Variants in MARK1 observed in about 807,000 individuals in gnomAD.
MARK1 encodes the protein serine/threonine-protein kinase MARK1.
MARK1 carries 40 observed loss-of-function variants against 96.3 expected under a neutral mutation model. The ratio of observed to expected loss-of-function variants is 0.42; its 90% CI spans 0.32 to 0.54. MARK1 has a LOEUF of 0.54. Ranked by LOEUF, MARK1 falls within the 20% of genes least tolerant of loss-of-function variation. The pLI is 0.16. For missense variants in MARK1, 719 were observed against 984.6 expected (o/e 0.73, Z 3.61); for synonymous variants, 317 against 341.2 (o/e 0.93, Z 0.78).
intron 3 of MARK1, among the ~76,000 whole-genome samples, chr1:220,589,267 C>T (rs1281310367): frequency 2.0e-5 from 3 of 152,078 alleles, no homozygotes; most frequent in Admixed American, 6.6e-5. Flanking sequence ...ACTAGAATGA[C>T]GATTGTCTAA....
intron 9 of MARK1, among the ~76,000 whole-genome samples, chr1:220,629,478 G>A (rs1667548644): frequency 6.6e-6 from 1 of 151,228 alleles, no homozygotes; most frequent in South Asian, 2.1e-4. Flanking sequence ...CAGATCTCCA[G>A]AACTTTTTCA....
At chr1:220,545,272 G>A (rs2102724222) in intron 1 of MARK1, among the ~76,000 whole-genome samples, 1 of 152,284 alleles carries the variant, frequency 6.6e-6, no homozygotes, top group East Asian at 1.9e-4. Flanking sequence ...CTTGAGATTA[G>A]GCAGGGCCTT....
chr1:220,628,335 A>C (rs1009838389), intron 9 of MARK1, among the ~76,000 whole-genome samples: 2 of 151,844 alleles, frequency 1.3e-5, no homozygotes, highest in African/African-American at 4.8e-5. Context: ...CTTTGTAGTG[A>C]GCCCTTTTGA....
chr1:220,549,148 C>T (rs1334705418), intron 1 of MARK1, among the ~76,000 whole-genome samples: 5 of 152,142 alleles, frequency 3.3e-5, no homozygotes, highest in Non-Finnish European at 7.3e-5. Context: ...AGTGTAATTT[C>T]TTGGTTAAGA....
At chr1:220,578,996 C>T (rs767808169) in intron 1 of MARK1, among the ~76,000 whole-genome samples, 10 of 152,066 alleles carry the variant, frequency 6.6e-5, no homozygotes, top group Non-Finnish European at 1.2e-4. Context: ...GCACGTGCCA[C>T]CACAACCGGC....
chr1:220,653,527 TAAGAG>T (rs906224993), intron 16 of MARK1, among the ~76,000 whole-genome samples, 175 bp downstream of exon 16: 22 of 152,106 alleles, frequency 1.4e-4, no homozygotes, highest in African/African-American at 4.8e-4. Flanking sequence ...TATTTTTCCT[TAAGAG>T]AGAGAAAGGA....
chr1:220,639,099 C>T (rs1420575283), intron 13 of MARK1, among the ~76,000 whole-genome samples: 19 of 151,798 alleles, frequency 1.3e-4, no homozygotes, highest in Admixed American at 1.2e-3. Flanking sequence ...TTAAAATTAG[C>T]CTGGTGTAGT....
chr1:220,635,400 A>G lies in MARK1; in HGVS notation c.1147A>G (p.Ser383Gly). The stretch of plus-strand genomic sequence containing the variant: ...GTTTGAAGGTGGTGAATCGTTATCC[A>G]GTGGAAACTTGTGTCAGAGGTCCCG... ...PEFEGGESLS[S>G]GNLCQRSRPS... The change falls in exon 12 of 18, where the codon AGT becomes GGT. Residue 383 changes from serine to glycine, a missense_variant. Ser to Gly is a moderately conservative substitution (Grantham distance 56). This residue lies in a region of MARK1 where 501 missense variants were observed against 588.3 expected (regional missense o/e 0.85). Coordinates refer to ENST00000366917, the MANE Select transcript of MARK1 (RefSeq NM_018650.5). 1 of 1,605,784 alleles carries G rather than the reference A, an allele frequency of 6.2e-7. No homozygotes were observed. Among genetic ancestry groups the G allele is most frequent in the South Asian group, 1.1e-5 (1 of 89,754 alleles).
chr1:220,604,644 G>A (rs1665957438), intron 6 of MARK1, among the ~76,000 whole-genome samples: 1 of 151,686 alleles, frequency 6.6e-6, no homozygotes, highest in Non-Finnish European at 1.5e-5. Flanking sequence ...TTGTGGCAGA[G>A]GAATATGGTA....
chr1:220,637,918 A>G (rs1260801592), intron 13 of MARK1, among the ~76,000 whole-genome samples: 5 of 151,984 alleles, frequency 3.3e-5, no homozygotes, highest in Non-Finnish European at 7.4e-5. Flanking sequence ...CCTAATACCC[A>G]TTATTTTATG....
intron 1 of MARK1, among the ~76,000 whole-genome samples, chr1:220,551,495 C>T (rs561054950): frequency 6.7e-4 from 102 of 152,304 alleles, no homozygotes; most frequent in Non-Finnish European, 1.0e-4. Context: ...AGCCACACTT[C>T]TCTTAACCAT....
chr1:220,653,398 A>G, intron 16 of MARK1, 46 bp downstream of exon 16: 2 of 1,570,726 alleles, frequency 1.3e-6, no homozygotes, highest in South Asian at 2.3e-5. Flanking sequence ...TAGAAATTAT[A>G]AAGGAAACTA....
intron 1 of MARK1, among the ~76,000 whole-genome samples, chr1:220,541,487 G>C (rs1661143366): frequency 6.6e-6 from 1 of 152,126 alleles, no homozygotes; most frequent in South Asian, 2.1e-4. Context: ...CTTCTGTCTA[G>C]TTATTCTATC....
chr1:220,600,004 G>C (rs147528700), intron 5 of MARK1, 141 bp downstream of exon 5: 262 of 494,070 alleles, frequency 5.3e-4, no homozygotes, highest in Middle Eastern at 3.4e-3. Flanking sequence ...ACATCTTAAG[G>C]AAAATTCAGT....
rs201564560 is a variant in MARK1, at chr1:220,563,893, C to T, written c.52-15461C>T. On this transcript the variant is annotated intron_variant, in intron 1 of 17. Coordinates refer to ENST00000366917, the MANE Select transcript of MARK1 (RefSeq NM_018650.5). Reference sequence around the variant, plus strand: ...ATGGAAATATTTTTAATTTGAACCCCCATCTTTTTTTGCTTTAAAAAACTG... The same window carrying T: ...ATGGAAATATTTTTAATTTGAACCCTCATCTTTTTTTGCTTTAAAAAACTG... 1.4e-4 allele frequency among the ~76,000 whole-genome samples: 21 copies of T among 152,182 alleles called. No individual in the cohort carries two copies. The East Asian group carries it at 3.5e-3, about 25-fold the overall frequency.
At chr1:220,624,438 A>G (rs1234156820) in intron 9 of MARK1, among the ~76,000 whole-genome samples, 1 of 151,960 alleles carries the variant, frequency 6.6e-6, no homozygotes, top group East Asian at 1.9e-4. Context: ...CGTCTCTATT[A>G]AAGATACAAA....
chr1:220,590,273 G>A (rs1392564097), intron 3 of MARK1, among the ~76,000 whole-genome samples: 5 of 152,196 alleles, frequency 3.3e-5, no homozygotes, highest in African/African-American at 1.2e-4. Flanking sequence ...TAGATTTGGA[G>A]GGTTATCATA....
chr1:220,643,051 CCAAATAATTG>C (rs370222260), intron 13 of MARK1, among the ~76,000 whole-genome samples: 1,805 of 152,268 alleles, frequency 0.012, 20 homozygotes, highest in Middle Eastern at 0.031. Flanking sequence ...CTCTTCTCCT[CCAAATAATTG>C]CAACACCTCT....
chr1:220,606,054 G>T (rs1230048234), intron 6 of MARK1, among the ~76,000 whole-genome samples: 1 of 152,114 alleles, frequency 6.6e-6, no homozygotes, highest in African/African-American at 2.4e-5. Flanking sequence ...TGGGTCAAAT[G>T]GTAGTTCTAG....
Sources: allele counts gnomAD v4.1 joint callset (sites outside exome capture counted in the v4.1 genomes callset), GRCh38; gene constraint gnomAD v4.1.1; regional missense constraint gnomAD v4.1.1; transcripts MANE v1.5; gene names NCBI Gene and HGNC (gene_info 2026-07-23, HGNC 2026-07-21).